Variants in SIAH2 observed in about 807,000 individuals in gnomAD.
SIAH2 encodes the protein E3 ubiquitin-protein ligase SIAH2.
In SIAH2, 4 loss-of-function variants were observed where a neutral mutation model predicts 20.4. That is an observed-to-expected ratio of 0.20 (90% CI 0.10 to 0.45). SIAH2 has a LOEUF of 0.45. SIAH2 is among the 20% of genes least tolerant of loss of function. The probability of loss-of-function intolerance (pLI) is 0.99; values close to 1 mark genes in which losing one functional copy is unlikely to be tolerated. For synonymous variants in SIAH2, 171 were observed against 192.5 expected, an observed-to-expected ratio of 0.89 and a Z score of 0.93; for missense variants, 259 against 440.3, an observed-to-expected ratio of 0.59 and a Z score of 3.69.
In SIAH2 at chr3:150,763,022, G is replaced by A; in HGVS notation, c.-173C>T. Reference sequence around the variant, plus strand: ...GGCAGGCGGAGGGCTGGACCGCGCTGATGCACTCCGCAGCCCCCGGCGTTC... The same window carrying A: ...GGCAGGCGGAGGGCTGGACCGCGCTAATGCACTCCGCAGCCCCCGGCGTTC... On this transcript the variant is annotated 5_prime_UTR_variant, in exon 1 of 2. Transcript: ENST00000312960. This position sits in a 1 kb window ranked among gnomAD's most constrained non-coding sequence, Gnocchi z 4.1. 1.6e-6 allele frequency: 1 copy of A among 628,424 alleles called. No individual in the cohort carries two copies. Among genetic ancestry groups the A allele is most frequent in the Non-Finnish European group, 2.1e-6 (1 of 486,586 alleles). The allele number at this position is 628,424 out of a possible 1,614,324, so 38.9% of individuals were successfully genotyped here.
Position 150,745,089 on chromosome 3 carries a change from T to A in SIAH2, c.418-2391A>T, listed in dbSNP as rs141003551. On this transcript the variant is annotated intron_variant, in intron 1 of 1. Transcript: ENST00000312960. Reference sequence around the variant, plus strand: ...ATCCTCTATTAACTTAAATAAATAGTTTTAAAGCCTTAGGTGCTTACTCTG... The same window carrying A: ...ATCCTCTATTAACTTAAATAAATAGATTTAAAGCCTTAGGTGCTTACTCTG... Among the ~76,000 whole-genome samples, 334 of 152,220 alleles carry A rather than the reference T, an allele frequency of 2.2e-3. 2 individuals carry two copies. The highest frequency in any genetic ancestry group is 7.8e-3 in the African/African-American group (322 of 41,526).
At chr3:150,751,316 C>T (rs1177784188) in intron 1 of SIAH2, among the ~76,000 whole-genome samples, 1 of 151,884 alleles carries the variant, frequency 6.6e-6, no homozygotes, top group Non-Finnish European at 1.5e-5. Context: ...TGCCTGTAGT[C>T]AGGAGGCTGA....
At chr3:150,756,978 C>T (rs1306469843) in intron 1 of SIAH2, among the ~76,000 whole-genome samples, 2 of 152,166 alleles carry the variant, frequency 1.3e-5, no homozygotes, top group African/African-American at 2.4e-5. Flanking sequence ...TTTGGCTAAT[C>T]GGCTTGTGCT....
Position 150,742,490 on chromosome 3 carries a change from T to C in SIAH2, c.626A>G (p.Asp209Gly). The change falls in exon 2 of 2, where the codon GAC becomes GGC. Residue 209 changes from aspartate (D) to glycine (G), a missense_variant. Transcript: ENST00000312960. The surrounding 1 kb of genome is among the most constrained non-coding windows in gnomAD (Gnocchi z 4.8). ...QGEDIVFLAT[D>G]INLPGAVDWV... is the part of the protein sequence containing the mutation. ...GTCGACAGCCCCTGGCAAGTTAATG[T>C]CTGTAGCTAGAAAGACGATGTCTTC... The C allele has an allele frequency of 6.2e-7, 1 of 1,614,182 alleles. No individual in the cohort carries two copies. Among genetic ancestry groups the C allele is most frequent in the South Asian group, 1.1e-5 (1 of 91,088 alleles).
chr3:150,751,482 A>T (rs1714363660), intron 1 of SIAH2, among the ~76,000 whole-genome samples: 1 of 152,156 alleles, frequency 6.6e-6, no homozygotes, highest in Non-Finnish European at 1.5e-5. Flanking sequence ...AGTTTTACAG[A>T]CAGTGATAGG....
Position 150,742,104 on chromosome 3 carries a change from T to C in SIAH2, c.*37A>G. 1.3e-6 allele frequency: 2 copies of C among 1,562,074 alleles called. No homozygotes were observed. The highest frequency in any genetic ancestry group is 1.7e-6 in the Non-Finnish European group (2 of 1,146,294). On this transcript the variant is annotated 3_prime_UTR_variant, in exon 2 of 2. Transcript: ENST00000312960. The surrounding 1 kb of genome is among the most constrained non-coding windows in gnomAD (Gnocchi z 4.8). ...AAAACCTTTATTAAACATAGAGCAC[T>C]ATGCCCAAATAATTTTGAAGGTTTA...
rs369033384 is a variant in SIAH2, at chr3:150,747,608, A to AACAC, written c.418-4914_418-4911dup. On this transcript the variant is annotated intron_variant, in intron 1 of 1. Transcript: ENST00000312960. ...TAGTTTTAAGTAAACATCTCTAAAG[A>AACAC]ACACACACACACACACACTCTGAAA... 3.7e-3 allele frequency among the ~76,000 whole-genome samples: 558 copies of AACAC among 150,762 alleles called. 3 individuals are homozygous for AACAC. The highest frequency in any genetic ancestry group is 0.013 in the African/African-American group (523 of 41,214).
Position 150,762,927 on chromosome 3 carries a change from C to T in SIAH2, c.-78G>A. On this transcript the variant is annotated 5_prime_UTR_variant, in exon 1 of 2. Coordinates refer to ENST00000312960, the MANE Select transcript of SIAH2 (RefSeq NM_005067.7). The surrounding 1 kb of genome is among the most constrained non-coding windows in gnomAD (Gnocchi z 6.6). ...CCGGGTCAAGGCGGTGCGCGCCCCG[C>T]GGGCAGCGAGCTCCGAGGCAACGCC... is the stretch of plus-strand genomic sequence containing the variant. 1 of 1,115,808 alleles carries T rather than the reference C, an allele frequency of 9.0e-7. No homozygotes were observed. The highest frequency in any genetic ancestry group is 1.7e-5 in the African/African-American group (1 of 59,760). The allele number at this position is 1,115,808 out of a possible 1,614,324, so 69.1% of individuals were successfully genotyped here. A position where few individuals can be genotyped will look rare whatever the true frequency, so the allele number is the denominator to read the frequency against.
intron 1 of SIAH2, among the ~76,000 whole-genome samples, chr3:150,754,848 C>T (rs921789258): frequency 6.6e-6 from 1 of 152,062 alleles, no homozygotes; most frequent in African/African-American, 2.4e-5. Context: ...AAATCCTCAT[C>T]ACTGAAAAAC....
intron 1 of SIAH2, among the ~76,000 whole-genome samples, chr3:150,756,361 G>A (rs1714484607): frequency 6.6e-6 from 1 of 152,196 alleles, no homozygotes; most frequent in African/African-American, 2.4e-5. Context: ...CCCCTTTCAA[G>A]GAGTGAGGAC....
chr3:150,745,240 TACACACACACACAC>T (rs5853495), intron 1 of SIAH2, among the ~76,000 whole-genome samples: 8 of 140,562 alleles, frequency 5.7e-5, no homozygotes, highest in East Asian at 2.1e-4. Context: ...TTTAACCCCC[TACACACACACACAC>T]ACACACACAC....
rs1414639873 is a variant in SIAH2, at chr3:150,755,317, C to T, written c.417+7116G>A. On this transcript the variant is annotated intron_variant, in intron 1 of 1. Coordinates refer to ENST00000312960, the MANE Select transcript of SIAH2 (RefSeq NM_005067.7). ...AAAAGAATATTTTTCTTTTTCTTTT[C>T]TTCCCTTTTTTTTTTTTTTTTTTTT... Among the ~76,000 whole-genome samples, 79 of 128,918 alleles carry T rather than the reference C, an allele frequency of 6.1e-4. 1 individual carries two copies. In the Admixed American group the frequency reaches 6.2e-3, roughly 10 times the overall value. 84.6% of individuals were successfully genotyped at this position (128,918 alleles called of 152,430 possible). A position where few individuals can be genotyped will look rare whatever the true frequency, so the allele number is the denominator to read the frequency against.
rs1714123392 is a variant in SIAH2 at position 150,742,798 on chromosome 3, ACTGTGTTCTTAACTAC to A, written c.418-116_418-101del. ...AACTACTCCATTTTCCTGGGCTTAA[ACTGTGTTCTTAACTAC>A]TTTTGCTCAAAGCAAGTGAAATATT... On this transcript the variant is annotated intron_variant, in intron 1 of 1. Coordinates refer to ENST00000312960, the MANE Select transcript of SIAH2 (RefSeq NM_005067.7). This position sits in a 1 kb window ranked among gnomAD's most constrained non-coding sequence, Gnocchi z 4.8. 4.0e-6 allele frequency: 4 copies of A among 995,208 alleles called. No individual in the cohort carries two copies. In the African/African-American group the frequency reaches 6.5e-5, roughly 16 times the overall value. 61.6% of individuals were successfully genotyped at this position (995,208 alleles called of 1,614,324 possible).
At position 150,762,955 on chromosome 3, in the gene SIAH2, G is replaced by GC; in HGVS notation, c.-107_-106insG. On this transcript the variant is annotated 5_prime_UTR_variant, in exon 1 of 2. Coordinates refer to ENST00000312960, the MANE Select transcript of SIAH2 (RefSeq NM_005067.7). This position sits in a 1 kb window ranked among gnomAD's most constrained non-coding sequence, Gnocchi z 6.6. ...GCAGCGAGCTCCGAGGCAACGCCAC[G>GC]GCGCCCAGCCCAGGTCCGGGCGGCG... 9.1e-7 allele frequency: 1 copy of GC among 1,097,592 alleles called. No individual in the cohort carries two copies. The highest frequency in any genetic ancestry group is 1.1e-6 in the Non-Finnish European group (1 of 895,946). 68.0% of individuals were successfully genotyped at this position (1,097,592 alleles called of 1,614,324 possible).
chr3:150,762,581 G>A lies in SIAH2; in HGVS notation c.269C>T (p.Pro90Leu), dbSNP rs1714644316. Residue 90 changes from proline to leucine, a missense_variant, in exon 1 of 2, where the codon CCT becomes CTT. Coordinates refer to ENST00000312960, the MANE Select transcript of SIAH2 (RefSeq NM_005067.7). The surrounding 1 kb of genome is among the most constrained non-coding windows in gnomAD (Gnocchi z 6.6). ...GTGCCCGGCCTGGCACTGCAGAATA[G>A]GAGGCAGGACATAGTCAAAGCAGAC... The part of the protein sequence containing the change: ...CPVCFDYVLP[P>L]ILQCQAGHLV... The A allele has an allele frequency of 6.2e-7, 1 of 1,613,206 alleles. No homozygotes were observed. Among genetic ancestry groups the A allele is most frequent in the Non-Finnish European group, 8.5e-7 (1 of 1,179,906 alleles).
At chr3:150,744,255 C>G (rs996567753) in intron 1 of SIAH2, among the ~76,000 whole-genome samples, 2 of 152,154 alleles carry the variant, frequency 1.3e-5, no homozygotes, top group African/African-American at 4.8e-5. Flanking sequence ...CTCCCCTAAT[C>G]GGAAAGGAGA....
Position 150,762,394 on chromosome 3 carries a change from G to A in SIAH2, c.417+39C>T, listed in dbSNP as rs1714639045. 1 of 1,583,796 alleles carries A rather than the reference G, an allele frequency of 6.3e-7. No homozygotes were observed. The highest frequency in any genetic ancestry group is 8.6e-7 in the Non-Finnish European group (1 of 1,166,742). On this transcript the variant is annotated intron_variant, in intron 1 of 1. Coordinates refer to ENST00000312960, the MANE Select transcript of SIAH2 (RefSeq NM_005067.7). This position sits in a 1 kb window ranked among gnomAD's most constrained non-coding sequence, Gnocchi z 6.6. ...GGCTGGCGGATACCGGAGTCCCTGAGGTCACCGGCGGAGGTACGTGGGCTG... is the reference window on the plus strand; with the variant it reads ...GGCTGGCGGATACCGGAGTCCCTGAAGTCACCGGCGGAGGTACGTGGGCTG...
In SIAH2 at chr3:150,741,703, C is replaced by G. The variant is rs1253298811; in HGVS notation, c.*438G>C. ...AGCCAGCCATCCAATTTCAGAAACA[C>G]TGTTTAAAATGCATTAAAACAATTC... On this transcript the variant is annotated 3_prime_UTR_variant, in exon 2 of 2. Coordinates refer to ENST00000312960, the MANE Select transcript of SIAH2 (RefSeq NM_005067.7). 6.4e-6 allele frequency: 1 copy of G among 156,282 alleles called. No individual in the cohort carries two copies. The highest frequency in any genetic ancestry group is 2.4e-5 in the African/African-American group (1 of 41,522). The allele number at this position is 156,282 out of a possible 1,614,324, so 9.7% of individuals were successfully genotyped here.
chr3:150,756,839 C>T (rs568211063), intron 1 of SIAH2, among the ~76,000 whole-genome samples: 2 of 152,340 alleles, frequency 1.3e-5, no homozygotes, highest in South Asian at 4.1e-4. Context: ...CTTGCCAGTT[C>T]ACTCTGTGCT....
Sources: allele counts gnomAD v4.1 joint callset (sites outside exome capture counted in the v4.1 genomes callset), GRCh38; gene constraint gnomAD v4.1.1; non-coding constraint Gnocchi (gnomAD v3.1); transcripts MANE v1.5; gene names NCBI Gene and HGNC (gene_info 2026-07-23, HGNC 2026-07-21).